Variants in FAM13A observed in about 807,000 individuals in gnomAD.
FAM13A encodes the protein protein FAM13A.
In FAM13A, 76 loss-of-function variants were observed where a neutral mutation model predicts 129.6. That is an observed-to-expected ratio of 0.59 (90% CI 0.49 to 0.71). The LOEUF (loss-of-function observed/expected upper bound fraction) is 0.71. FAM13A is among the 30% of genes least tolerant of loss of function. FAM13A has a pLI of 0.00. For missense variants in FAM13A, 1,108 were observed against 1,249.3 expected (o/e 0.89, Z 1.70); for synonymous variants, 443 against 449.9 (o/e 0.98, Z 0.20).
chr4:88,874,087 ACT>A (rs1741937282), intron 6 of FAM13A, among the ~76,000 whole-genome samples: 1 of 152,202 alleles, frequency 6.6e-6, no homozygotes, highest in Non-Finnish European at 1.5e-5. Flanking sequence ...AAAATTCAAC[ACT>A]GCTTCATGCT....
intron 6 of FAM13A, among the ~76,000 whole-genome samples, chr4:88,874,125 T>C (rs1741948184): frequency 6.6e-6 from 1 of 152,184 alleles, no homozygotes; most frequent in Non-Finnish European, 1.5e-5. Flanking sequence ...AACTAGGTAC[T>C]GATGGAACAT....
chr4:88,856,110 A>G (rs1453338599), intron 6 of FAM13A: 3 of 152,194 alleles, frequency 2.0e-5, no homozygotes, highest in Admixed American at 6.5e-5. Context: ...CTTAGGCATA[A>G]TAAACTGATA....
intron 5 of FAM13A, among the ~76,000 whole-genome samples, chr4:88,918,603 A>G (rs1750494115): frequency 6.6e-6 from 1 of 152,258 alleles, no homozygotes; most frequent in African/African-American, 2.4e-5. Context: ...AAAGCAGGGA[A>G]TCGTAACAAA....
chr4:88,810,759 G>A (rs920296217), intron 7 of FAM13A, among the ~76,000 whole-genome samples: 5 of 152,084 alleles, frequency 3.3e-5, no homozygotes, highest in Admixed American at 6.6e-5. Context: ...ATCCTCATAA[G>A]CAGTCGAGAT....
At chr4:89,033,136 ACTCTCTCT>A (rs34237387) in intron 1 of FAM13A, among the ~76,000 whole-genome samples, 20,698 of 149,944 alleles carry the variant, frequency 0.14, 1,637 homozygotes, top group Non-Finnish European at 0.18. Flanking sequence ...ACACACACAC[ACTCTCTCT>A]CTCTCTCTCT....
At chr4:88,934,562 A>G (rs1465333153) in intron 5 of FAM13A, among the ~76,000 whole-genome samples, 4 of 152,368 alleles carry the variant, frequency 2.6e-5, no homozygotes, top group Admixed American at 1.3e-4. Context: ...GAGAAAATCT[A>G]GAATTATCCT....
In FAM13A at chr4:89,052,572, G is replaced by A. The variant is rs536720321; in HGVS notation, c.27+4366C>T. 4.0e-5 allele frequency among the ~76,000 whole-genome samples: 6 copies of A among 150,668 alleles called. No homozygotes were observed. The South Asian group carries it at 6.3e-4, about 16-fold the overall frequency. ...AACTTGCACTCTGGGCCTGGGATGAGAGTAATAGCTCTGAGGATTTTTAAA... is the reference window on the plus strand; with the variant it reads ...AACTTGCACTCTGGGCCTGGGATGAAAGTAATAGCTCTGAGGATTTTTAAA... On this transcript the variant is annotated intron_variant, in intron 1 of 23. Coordinates refer to ENST00000264344, the MANE Select transcript of FAM13A (RefSeq NM_014883.4).
intron 4 of FAM13A, among the ~76,000 whole-genome samples, chr4:88,981,271 T>A (rs191744248): frequency 6.6e-6 from 1 of 152,270 alleles, no homozygotes; most frequent in African/African-American, 2.4e-5. Flanking sequence ...TTGTACAAAC[T>A]AAGTGTGCAC....
intron 1 of FAM13A, among the ~76,000 whole-genome samples, chr4:89,050,648 C>T (rs1462730640): frequency 6.6e-6 from 1 of 151,964 alleles, no homozygotes; most frequent in Non-Finnish European, 1.5e-5. Flanking sequence ...AGAACTAAAG[C>T]CAGGTATGGT....
chr4:88,745,592 A>G (rs896870873), intron 19 of FAM13A, among the ~76,000 whole-genome samples: 3 of 152,224 alleles, frequency 2.0e-5, no homozygotes, highest in Non-Finnish European at 4.4e-5. Flanking sequence ...GGCTACACAG[A>G]GCAGGGTTCT....
chr4:88,885,742 T>C (rs1029960933), intron 6 of FAM13A, among the ~76,000 whole-genome samples: 10 of 150,726 alleles, frequency 6.6e-5, no homozygotes, highest in Non-Finnish European at 1.2e-4. Flanking sequence ...TGGGAGAAAA[T>C]CTTTGTAATC....
intron 4 of FAM13A, among the ~76,000 whole-genome samples, chr4:88,955,413 T>C (rs1329507839): frequency 6.6e-6 from 1 of 152,148 alleles, no homozygotes; most frequent in Non-Finnish European, 1.5e-5. Context: ...TAAACCTCTT[T>C]CCTTTATAAA....
intron 14 of FAM13A, among the ~76,000 whole-genome samples, chr4:88,755,081 AT>A (rs893148886): frequency 6.6e-6 from 1 of 152,156 alleles, no homozygotes; most frequent in African/African-American, 2.4e-5. Flanking sequence ...CAAATGCACC[AT>A]TTCCCCAACC....
In FAM13A at chr4:88,851,079, T is replaced by G. The variant is rs1446164513; in HGVS notation, c.948A>C (p.Lys316Asn). 6.2e-7 allele frequency: 1 copy of G among 1,613,916 alleles called. No homozygotes were observed. The highest frequency in any genetic ancestry group is 8.5e-7 in the Non-Finnish European group (1 of 1,180,008). ...PQLSLRLSYR[K>N]ACLEDMNSAE... ...CTGAATTCATGTCTTCCAAGCAGGCTTTTCTATAACTTAGCCGCAAGCTGA... is the reference window on the plus strand; with the variant it reads ...CTGAATTCATGTCTTCCAAGCAGGCGTTTCTATAACTTAGCCGCAAGCTGA... Residue 316 changes from lysine (K) to asparagine (N), a missense_variant, in exon 7 of 24, where the codon AAA becomes AAC. Transcript: ENST00000264344.
Position 88,896,428 on chromosome 4 carries a change from G to GA in FAM13A, c.843+9950dup, listed in dbSNP as rs1003864215. Among the ~76,000 whole-genome samples, 44 of 150,392 alleles carry GA rather than the reference G, an allele frequency of 2.9e-4. 1 individual carries two copies. The highest frequency in any genetic ancestry group is 1.0e-3 in the African/African-American group (41 of 41,016). On this transcript the variant is annotated intron_variant, in intron 6 of 23. Transcript: ENST00000264344. Reference sequence around the variant, plus strand: ...TAAAACTTAAAGTATAATAATAAAAGAAAAAAAAATTCAATGTTTATTAAG... The same window carrying GA: ...TAAAACTTAAAGTATAATAATAAAAGAAAAAAAAAATTCAATGTTTATTAAG...
chr4:88,836,336 T>G (rs1734797835), intron 7 of FAM13A, among the ~76,000 whole-genome samples: 1 of 152,246 alleles, frequency 6.6e-6, no homozygotes, highest in Non-Finnish European at 1.5e-5. Flanking sequence ...ACATTTCTAG[T>G]CCTTAAAAGT....
intron 7 of FAM13A, among the ~76,000 whole-genome samples, chr4:88,839,686 A>G (rs752470273): frequency 4.6e-5 from 7 of 152,210 alleles, no homozygotes; most frequent in Admixed American, 1.3e-4. Context: ...CAGGAGTTTG[A>G]GACCAGCCTG....
intron 5 of FAM13A, among the ~76,000 whole-genome samples, chr4:88,916,997 T>C (rs1212862559): frequency 6.6e-6 from 1 of 152,226 alleles, no homozygotes; most frequent in Non-Finnish European, 1.5e-5. Context: ...ATTCAATAAA[T>C]GGTTGAATAA....
chr4:88,917,640 C>T lies in FAM13A; in HGVS notation c.760-11178G>A, dbSNP rs184562505. ...ACATTATAATTGCGGTCACTTGTTG[C>T]TTGCCCTAATTACTTATGTGCTTAT... On this transcript the variant is annotated intron_variant, in intron 5 of 23. Coordinates refer to ENST00000264344, the MANE Select transcript of FAM13A (RefSeq NM_014883.4). Among the ~76,000 whole-genome samples, 201 of 152,304 alleles carry T rather than the reference C, an allele frequency of 1.3e-3. 2 individuals carry two copies. Among genetic ancestry groups the T allele is most frequent in the African/African-American group, 4.3e-3 (179 of 41,580 alleles).
Sources: allele counts gnomAD v4.1 joint callset (sites outside exome capture counted in the v4.1 genomes callset), GRCh38; gene constraint gnomAD v4.1.1; transcripts MANE v1.5; gene names NCBI Gene and HGNC (gene_info 2026-07-23, HGNC 2026-07-21).